CC2D1A: variants seen among roughly 807,000 people sequenced by gnomAD.
The protein encoded by CC2D1A is coiled-coil and C2 domain containing 1A.
CC2D1A carries 68 observed loss-of-function variants against 123.8 expected under a neutral mutation model. The ratio of observed to expected loss-of-function variants is 0.55; its 90% CI spans 0.45 to 0.67. CC2D1A has a LOEUF of 0.67. CC2D1A is among the 30% of genes least tolerant of loss of function. The pLI is 0.00. For synonymous variants in CC2D1A, 477 were observed against 528.0 expected (o/e 0.90, Z 1.32); for missense variants, 1,185 against 1,290.3 (o/e 0.92, Z 1.25).
rs765614491 is a variant in CC2D1A, at chr19:13,930,349, G to T, written c.2836-26G>T. ...CACTGTGGTCGTAGCCCACCTCCAT[G>T]ACCCCAGTGGCCTCCTCTCCCCCAG... On this transcript the variant is annotated intron_variant, in intron 28 of 28. Transcript: ENST00000318003. This position sits in a 1 kb window ranked among gnomAD's most constrained non-coding sequence, Gnocchi z 6.8. The T allele has an allele frequency of 5.0e-6, 8 of 1,613,650 alleles. No homozygotes were observed. Among genetic ancestry groups the T allele is most frequent in the Non-Finnish European group, 6.8e-6 (8 of 1,179,728 alleles).
In CC2D1A at chr19:13,926,890, G is replaced by A. The variant is rs201665826; in HGVS notation, c.2125+18G>A. The stretch of plus-strand genomic sequence containing the variant: ...CTCCCCTGGTGAGCCTCGGCTGGAA[G>A]CACCCTACCCCTACTCCCTTGCAGC... On this transcript the variant is annotated intron_variant, in intron 20 of 28. Coordinates refer to ENST00000318003, the MANE Select transcript of CC2D1A (RefSeq NM_017721.5). 2,517 of 1,613,966 alleles carry A rather than the reference G, an allele frequency of 1.6e-3. 9 individuals are homozygous for A. Among genetic ancestry groups the A allele is most frequent in the Non-Finnish European group, 2.0e-3 (2,400 of 1,179,894 alleles).
chr19:13,914,358 G>A (rs996773543), intron 6 of CC2D1A, among the ~76,000 whole-genome samples: 45 of 146,470 alleles, frequency 3.1e-4, no homozygotes, highest in East Asian at 1.4e-3. Flanking sequence ...TTTTTGAGTC[G>A]GAGTCTCGCT....
At position 13,906,221 on chromosome 19, in the gene CC2D1A, C is replaced by G. The variant is rs1462218929; in HGVS notation, c.-221C>G. On this transcript the variant is annotated 5_prime_UTR_variant, in exon 1 of 29. Transcript: ENST00000318003. This position sits in a 1 kb window ranked among gnomAD's most constrained non-coding sequence, Gnocchi z 4.1. ...GAGTTGTAGTTTCGGCTCGGCAGAC[C>G]CGGCGAGCCCAGTGGCCGCGCTCCG... 4.6e-6 allele frequency: 2 copies of G among 434,974 alleles called. No individual in the cohort carries two copies. Among genetic ancestry groups the G allele is most frequent in the African/African-American group, 4.1e-5 (2 of 48,440 alleles). The allele number at this position is 434,974 out of a possible 1,614,324, so 26.9% of individuals were successfully genotyped here. A position where few individuals can be genotyped will look rare whatever the true frequency, so the allele number is the denominator to read the frequency against.
intron 6 of CC2D1A, 78 bp from the exon 7 acceptor site, chr19:13,917,992 T>C (rs934037150): frequency 2.2e-5 from 32 of 1,465,098 alleles, no homozygotes; most frequent in Non-Finnish European, 1.7e-5. Flanking sequence ...AAAAATTAAA[T>C]AAATAAATAA....
chr19:13,920,865 G>C lies in CC2D1A; in HGVS notation c.1584G>C (p.Lys528Asn), dbSNP rs1180111779. ...CCAAGATGCACCTGCGCCAAGCCAA[G>C]GGACTGGAGCCTATGCTGGAGGCCT... ...EGAKMHLRQA[K>N]GLEPMLEASR... Residue 528 changes from lysine (K) to asparagine (N), a missense_variant, in exon 14 of 29, where the codon AAG (lysine) becomes AAC (asparagine). Lys to Asn is a moderately conservative substitution (Grantham distance 94, BLOSUM62 0). Transcript: ENST00000318003. 2.0e-5 allele frequency: 33 copies of C among 1,614,010 alleles called. No homozygotes were observed. The highest frequency in any genetic ancestry group is 2.8e-5 in the Non-Finnish European group (33 of 1,180,040).
intron 1 of CC2D1A, among the ~76,000 whole-genome samples, chr19:13,907,946 T>G (rs1970843275): frequency 6.6e-6 from 1 of 152,196 alleles, no homozygotes. Flanking sequence ...GATTGGTCAT[T>G]AGCCAAGATA....
At chr19:13,916,589 GAT>G (rs1344075264) in intron 6 of CC2D1A, among the ~76,000 whole-genome samples, 1 of 151,972 alleles carries the variant, frequency 6.6e-6, no homozygotes, top group Non-Finnish European at 1.5e-5. Context: ...AAATAAGCTT[GAT>G]GTATTTACGT....
At chr19:13,926,119 C>G (rs952727351) in intron 17 of CC2D1A, among the ~76,000 whole-genome samples, 4 of 148,726 alleles carry the variant, frequency 2.7e-5, no homozygotes, top group Non-Finnish European at 4.4e-5. Context: ...GGTCCCCCAG[C>G]AGCTGGGGTA....
chr19:13,914,880 A>C (rs1311979589), intron 6 of CC2D1A, among the ~76,000 whole-genome samples: 6 of 152,138 alleles, frequency 3.9e-5, no homozygotes, highest in Admixed American at 3.9e-4. Context: ...TTTTCTTCCT[A>C]ACCTCCCCCT....
At position 13,918,628 on chromosome 19, in the gene CC2D1A, G is replaced by C. The variant is rs747705429; in HGVS notation, c.946+52G>C. ...TGGGATGGTTTCAGGCATACACTAA[G>C]TTCTCCTTGATGCTGCCACCCCTGT... On this transcript the variant is annotated intron_variant, in intron 8 of 28. Transcript: ENST00000318003. 31 of 1,597,268 alleles carry C rather than the reference G, an allele frequency of 1.9e-5. 2 individuals are homozygous for C. In the South Asian group the frequency reaches 3.4e-4, roughly 18 times the overall value.
intron 2 of CC2D1A, among the ~76,000 whole-genome samples, chr19:13,911,577 G>C (rs1434663035): frequency 2.1e-5 from 3 of 139,764 alleles, no homozygotes; most frequent in African/African-American, 8.0e-5. Flanking sequence ...ACAAACCCTT[G>C]CTCTGTTGCC....
At chr19:13,924,859 C>T (rs1038632869) in intron 17 of CC2D1A, among the ~76,000 whole-genome samples, 1 of 152,106 alleles carries the variant, frequency 6.6e-6, no homozygotes, top group African/African-American at 2.4e-5. Context: ...CTGGCTCCCC[C>T]ATCTCCACAC....
At chr19:13,912,729 T>C (rs1971047606) in intron 4 of CC2D1A, 136 bp downstream of exon 4, 1 of 840,020 alleles carries the variant, frequency 1.2e-6, no homozygotes, top group Non-Finnish European at 1.9e-6. Context: ...CTCAGCTCAC[T>C]ACAACCTCTG....
chr19:13,913,058 AG>A, intron 4 of CC2D1A, 109 bp from the exon 5 acceptor site: 1 of 1,150,900 alleles, frequency 8.7e-7, no homozygotes, highest in South Asian at 1.6e-5. Context: ...TCACTGGGGC[AG>A]GGGAGGCTGG....
Position 13,919,217 on chromosome 19 carries a change from T to TGTAGGCCTCGCCCCA in CC2D1A, c.1222+23_1222+37dup, listed in dbSNP as rs761433390. The TGTAGGCCTCGCCCCA allele has an allele frequency of 1.6e-5, 26 of 1,599,082 alleles. No homozygotes were observed. In the African/African-American group the frequency reaches 2.7e-4, roughly 16 times the overall value. Reference sequence around the variant, plus strand: ...CGTGCCCCCAGGTAGGCCTTGCCCCTGTAGGCCTCGCCCCAGTAGGCCCCG... The same window carrying TGTAGGCCTCGCCCCA: ...CGTGCCCCCAGGTAGGCCTTGCCCCTGTAGGCCTCGCCCCAGTAGGCCTCGCCCCAGTAGGCCCCG... On this transcript the variant is annotated intron_variant, in intron 11 of 28. Transcript: ENST00000318003.
At position 13,919,960 on chromosome 19, in the gene CC2D1A, G is replaced by A; in HGVS notation, c.1356+9G>A. 6.2e-7 allele frequency: 1 copy of A among 1,608,158 alleles called. No individual in the cohort carries two copies. Among genetic ancestry groups the A allele is most frequent in the Non-Finnish European group, 8.5e-7 (1 of 1,176,976 alleles). ...ATGAGGTGCCTAAGAAGGTTTGAGG[G>A]TTGGGGCCGGGCGCAGTGGCTCACA... is the stretch of plus-strand genomic sequence containing the variant. On this transcript the variant is annotated intron_variant, in intron 12 of 28. Transcript: ENST00000318003.
intron 2 of CC2D1A, among the ~76,000 whole-genome samples, chr19:13,910,451 T>C (rs901515474): frequency 1.3e-4 from 19 of 148,672 alleles, no homozygotes; most frequent in African/African-American, 4.2e-4. Context: ...GGACCGAGAC[T>C]GAGAGTTGGA....
In CC2D1A at chr19:13,906,458, G is replaced by A; in HGVS notation, c.17G>A (p.Gly6Glu). The A allele has an allele frequency of 6.6e-7, 1 of 1,515,560 alleles. No individual in the cohort carries two copies. Among genetic ancestry groups the A allele is most frequent in the African/African-American group, 1.4e-5 (1 of 70,530 alleles). The allele number at this position is 1,515,560 out of a possible 1,614,324, so 93.9% of individuals were successfully genotyped here. ...GCCTTGAAGATGCACAAGAGGAAAG[G>A]ACCCCCGGGACCCCCGGGCAGAGGC... is the stretch of plus-strand genomic sequence containing the variant. MHKRK[G>E]PPGPPGRGAA... Residue 6 changes from glycine to glutamate, a missense_variant, in exon 1 of 29, where the codon GGA (glycine) becomes GAA (glutamate). Gly to Glu is a moderately conservative substitution (Grantham distance 98, BLOSUM62 -2). Transcript: ENST00000318003. The surrounding 1 kb of genome is among the most constrained non-coding windows in gnomAD (Gnocchi z 4.1).
chr19:13,914,540 T>A (rs1256999798), intron 6 of CC2D1A, among the ~76,000 whole-genome samples: 2 of 151,750 alleles, frequency 1.3e-5, no homozygotes, highest in Non-Finnish European at 2.9e-5. Flanking sequence ...TTCACTGTGT[T>A]AGCCAGGATG....
Sources: allele counts gnomAD v4.1 joint callset (sites outside exome capture counted in the v4.1 genomes callset), GRCh38; gene constraint gnomAD v4.1.1; non-coding constraint Gnocchi (gnomAD v3.1); transcripts MANE v1.5; gene names NCBI Gene and HGNC (gene_info 2026-07-23, HGNC 2026-07-21).